The following CRTC3 variants were observed in gnomAD, a reference collection of about 807,000 sequenced individuals.
CRTC3 encodes CREB regulated transcription coactivator 3, also known as CREB-regulated transcription coactivator 3.
In CRTC3, 26 loss-of-function variants were observed where a neutral mutation model predicts 74.5. The ratio of observed to expected loss-of-function variants is 0.35; its 90% CI spans 0.26 to 0.48. The LOEUF (loss-of-function observed/expected upper bound fraction) is 0.48, where lower values mean the gene tolerates loss of function less well. Ranked by LOEUF, CRTC3 falls within the 20% of genes least tolerant of loss-of-function variation. The probability of loss-of-function intolerance (pLI) is 0.99; values close to 1 mark genes in which losing one functional copy is unlikely to be tolerated. For missense variants in CRTC3, 760 were observed against 787.3 expected (o/e 0.97, Z 0.41); for synonymous variants, 377 against 325.8 (o/e 1.16, Z -1.69).
chr15:90,583,854 T>G (rs1967599007), intron 2 of CRTC3, among the ~76,000 whole-genome samples: 1 of 152,180 alleles, frequency 6.6e-6, no homozygotes, highest in Non-Finnish European at 1.5e-5. Flanking sequence ...TTTTCTTTTT[T>G]TTTTGAATGA....
chr15:90,565,175 C>T (rs1160409025), intron 2 of CRTC3, among the ~76,000 whole-genome samples: 3 of 152,048 alleles, frequency 2.0e-5, no homozygotes, highest in African/African-American at 7.2e-5. Context: ...CTTGAACTCC[C>T]GACCTCATGT....
chr15:90,621,522 C>T (rs1968652622), intron 9 of CRTC3, among the ~76,000 whole-genome samples: 1 of 152,090 alleles, frequency 6.6e-6, no homozygotes. Context: ...AGGGTTTCAC[C>T]ATATTGGCCA....
chr15:90,627,360 C>G (rs977368802), intron 10 of CRTC3, among the ~76,000 whole-genome samples: 1 of 152,178 alleles, frequency 6.6e-6, no homozygotes, highest in South Asian at 2.1e-4. Context: ...GAGAAACTCT[C>G]GAAACCTTTA....
intron 2 of CRTC3, among the ~76,000 whole-genome samples, chr15:90,589,920 G>A (rs1967760350): frequency 6.6e-6 from 1 of 152,112 alleles, no homozygotes; most frequent in Admixed American, 6.6e-5. Flanking sequence ...CCAGGAGGCA[G>A]AGGTTGCAGT....
At chr15:90,554,348 G>A (rs1020624339) in intron 2 of CRTC3, among the ~76,000 whole-genome samples, 1 of 151,964 alleles carries the variant, frequency 6.6e-6, no homozygotes, top group Non-Finnish European at 1.5e-5. Flanking sequence ...AATTACAGGT[G>A]TGTGCCACCA....
intron 2 of CRTC3, among the ~76,000 whole-genome samples, chr15:90,580,264 G>A (rs370454703): frequency 3.9e-5 from 6 of 151,984 alleles, no homozygotes; most frequent in Non-Finnish European, 7.4e-5. Context: ...CACTGAAGCC[G>A]GGAGCCAGGA....
At chr15:90,567,630 G>T (rs972061165) in intron 2 of CRTC3, among the ~76,000 whole-genome samples, 1 of 151,994 alleles carries the variant, frequency 6.6e-6, no homozygotes, top group African/African-American at 2.4e-5. Context: ...AGAGGTTGCA[G>T]TGAGCCAAAA....
chr15:90,640,253 T>C (rs1327767844), intron 13 of CRTC3, among the ~76,000 whole-genome samples: 1 of 152,124 alleles, frequency 6.6e-6, no homozygotes, highest in African/African-American at 2.4e-5. Flanking sequence ...GCTTAGAAAA[T>C]TAATTTCAGG....
intron 9 of CRTC3, among the ~76,000 whole-genome samples, chr15:90,623,989 A>G (rs1255826788): frequency 6.6e-6 from 1 of 152,140 alleles, no homozygotes; most frequent in African/African-American, 2.4e-5. Context: ...ATGTCCTCCA[A>G]GGAAGCCTCC....
intron 2 of CRTC3, among the ~76,000 whole-genome samples, chr15:90,560,599 G>A (rs1200870448): frequency 6.6e-6 from 1 of 152,210 alleles, no homozygotes; most frequent in Non-Finnish European, 1.5e-5. Flanking sequence ...AATTCATATG[G>A]TCAAAACCTG....
At chr15:90,620,629 G>C (rs140935377) in intron 9 of CRTC3, among the ~76,000 whole-genome samples, 1 of 152,076 alleles carries the variant, frequency 6.6e-6, no homozygotes, top group Non-Finnish European at 1.5e-5. Flanking sequence ...CTTGGAACTC[G>C]ATGGGCTGTG....
chr15:90,627,519 T>C (rs1175886750), intron 10 of CRTC3, among the ~76,000 whole-genome samples: 1 of 152,180 alleles, frequency 6.6e-6, no homozygotes, highest in Non-Finnish European at 1.5e-5. Flanking sequence ...CTTTGACACT[T>C]TGCTTCAAGC....
rs974129546 is a variant in CRTC3 at position 90,615,860 on chromosome 15, A to T, written c.613+1372A>T. On this transcript the variant is annotated intron_variant, in intron 7 of 14. Coordinates refer to ENST00000268184, the MANE Select transcript of CRTC3 (RefSeq NM_022769.5). Reference sequence around the variant, plus strand: ...TTTTTATTTATTTTTATTTATTTTTATTTTTATTTTTTTTTTGGAGACGGA... The same window carrying T: ...TTTTTATTTATTTTTATTTATTTTTTTTTTTATTTTTTTTTTGGAGACGGA... Among the ~76,000 whole-genome samples the T allele has an allele frequency of 4.6e-5, 7 of 151,302 alleles. No individual in the cohort carries two copies. The East Asian group carries it at 1.2e-3, about 25-fold the overall frequency.
chr15:90,629,666 G>A (rs1223365399), intron 11 of CRTC3, 134 bp downstream of exon 11: 2 of 753,356 alleles, frequency 2.7e-6, no homozygotes, highest in Non-Finnish European at 4.3e-6. Flanking sequence ...AGTGCAGTCT[G>A]TTCGCTCTTA....
At chr15:90,544,723 C>G (rs1185593306) in intron 2 of CRTC3, among the ~76,000 whole-genome samples, 1 of 152,196 alleles carries the variant, frequency 6.6e-6, no homozygotes, top group Non-Finnish European at 1.5e-5. Flanking sequence ...CAAAGTGGCT[C>G]TACTGTTTCA....
Position 90,530,015 on chromosome 15 carries a change from C to G in CRTC3, c.-57C>G. 2 of 1,303,578 alleles carry G rather than the reference C, an allele frequency of 1.5e-6. No homozygotes were observed. Among genetic ancestry groups the G allele is most frequent in the Non-Finnish European group, 2.0e-6 (2 of 1,006,478 alleles). The allele number at this position is 1,303,578 out of a possible 1,614,324, so 80.8% of individuals were successfully genotyped here. Reference sequence around the variant, plus strand: ...GCGGCCTGTGGACGGACGGGTGGGCCGAGGTACAGGCCCCACGGCCGCCGT... The same window carrying G: ...GCGGCCTGTGGACGGACGGGTGGGCGGAGGTACAGGCCCCACGGCCGCCGT... On this transcript the variant is annotated 5_prime_UTR_variant, in exon 1 of 15. Transcript: ENST00000268184. This position sits in a 1 kb window ranked among gnomAD's most constrained non-coding sequence, Gnocchi z 6.2.
chr15:90,614,239 G>GAAAAAAAAAAAAAAAAAAAA, intron 6 of CRTC3: 1 of 487,468 alleles, frequency 2.1e-6, no homozygotes. Flanking sequence ...AATTTTAAAG[G>GAAAAAAAAAAAAAAAAAAAA]AAAAGAAAAA....
chr15:90,569,631 A>G (rs1224843088), intron 2 of CRTC3, among the ~76,000 whole-genome samples: 1 of 151,470 alleles, frequency 6.6e-6, no homozygotes, highest in Admixed American at 6.6e-5. Flanking sequence ...CCCAGGCTGG[A>G]GTGCATAGGT....
intron 4 of CRTC3, 30 bp from the exon 5 acceptor site, chr15:90,604,355 T>C: frequency 6.3e-7 from 1 of 1,597,750 alleles, no homozygotes; most frequent in Non-Finnish European, 8.6e-7. Flanking sequence ...ATTGACTTCT[T>C]TTCCTTTTAT....
Sources: allele counts gnomAD v4.1 joint callset (sites outside exome capture counted in the v4.1 genomes callset), GRCh38; gene constraint gnomAD v4.1.1; non-coding constraint Gnocchi (gnomAD v3.1); transcripts MANE v1.5; gene names NCBI Gene and HGNC (gene_info 2026-07-23, HGNC 2026-07-21).